LRRTM4: variants seen among roughly 807,000 people sequenced by gnomAD.
LRRTM4 encodes leucine rich repeat transmembrane neuronal 4.
Under a neutral mutation model 47.6 loss-of-function variants are expected in LRRTM4, and 25 were observed. The ratio of observed to expected loss-of-function variants is 0.53; its 90% CI spans 0.38 to 0.73. The LOEUF is 0.73. LRRTM4 is among the 30% of genes least tolerant of loss of function. The pLI is 0.00. For synonymous variants in LRRTM4, 311 were observed against 269.5 expected, an observed-to-expected ratio of 1.15 and a Z score of -1.51; for missense variants, 638 against 713.4, an observed-to-expected ratio of 0.89 and a Z score of 1.20.
chr2:77,285,340 T>TTATATACATATATATATATATATA (rs1676621995), intron 3 of LRRTM4, among the ~76,000 whole-genome samples: 1 of 82,590 alleles, frequency 1.2e-5, no homozygotes, highest in African/African-American at 4.2e-5. Context: ...AGCATTAAAT[T>TTATATACATATATATATATATATA]TATATATATA....
intron 3 of LRRTM4, among the ~76,000 whole-genome samples, chr2:77,060,498 T>G (rs1285377808): frequency 6.6e-6 from 1 of 152,194 alleles, no homozygotes; most frequent in Non-Finnish European, 1.5e-5. Flanking sequence ...ATAATATGGC[T>G]GTATATTTTC....
intron 3 of LRRTM4, among the ~76,000 whole-genome samples, chr2:76,754,464 A>G (rs1672957679): frequency 1.3e-5 from 2 of 152,168 alleles, no homozygotes; most frequent in Admixed American, 1.3e-4. Flanking sequence ...ACTGAGTATT[A>G]GGAACAACTG....
intron 3 of LRRTM4, among the ~76,000 whole-genome samples, chr2:77,339,535 A>C (rs1443370466): frequency 2.6e-5 from 4 of 152,070 alleles, no homozygotes; most frequent in African/African-American, 7.2e-5. Flanking sequence ...TTGTCGATTG[A>C]TAATGCATAT....
intron 3 of LRRTM4, among the ~76,000 whole-genome samples, chr2:77,344,643 T>G (rs1168347543): frequency 6.6e-6 from 1 of 151,794 alleles, no homozygotes; most frequent in East Asian, 1.9e-4. Context: ...AAATAATGAC[T>G]GAAAACTTCC....
At chr2:76,781,564 G>T in intron 3 of LRRTM4, among the ~76,000 whole-genome samples, 1 of 151,144 alleles carries the variant, frequency 6.6e-6, no homozygotes, top group African/African-American at 2.4e-5. Flanking sequence ...AGGGAACTCC[G>T]TGACCCCTTG....
chr2:77,023,248 C>T (rs892050957), intron 3 of LRRTM4, among the ~76,000 whole-genome samples: 4 of 152,342 alleles, frequency 2.6e-5, no homozygotes, highest in African/African-American at 9.6e-5. Context: ...GCACACAGCA[C>T]AGGGACCCTG....
chr2:76,864,983 G>A (rs1231596681), intron 3 of LRRTM4, among the ~76,000 whole-genome samples: 1 of 150,440 alleles, frequency 6.6e-6, no homozygotes, highest in African/African-American at 2.5e-5. Flanking sequence ...CGATTCTTCT[G>A]CCTCAGCCTC....
chr2:76,983,125 G>A (rs765218298), intron 3 of LRRTM4, among the ~76,000 whole-genome samples: 11 of 151,906 alleles, frequency 7.2e-5, no homozygotes, highest in Non-Finnish European at 1.5e-4. Context: ...TGGTAAAATG[G>A]TAAAGACCAC....
intron 3 of LRRTM4, among the ~76,000 whole-genome samples, chr2:76,906,951 T>A (rs1276853812): frequency 6.6e-6 from 1 of 151,842 alleles, no homozygotes; most frequent in Non-Finnish European, 1.5e-5. Context: ...GACAGAAAGT[T>A]AACAAGGATA....
At chr2:76,774,367 T>C (rs982329477) in intron 3 of LRRTM4, among the ~76,000 whole-genome samples, 9 of 149,092 alleles carry the variant, frequency 6.0e-5, no homozygotes, top group Non-Finnish European at 1.1e-4. Flanking sequence ...AATTTTTGTA[T>C]TTTTAGTAGA....
intron 3 of LRRTM4, among the ~76,000 whole-genome samples, chr2:77,377,874 A>T (rs574518923): frequency 6.6e-6 from 1 of 152,116 alleles, no homozygotes; most frequent in South Asian, 2.1e-4. Context: ...AAATGCAAAC[A>T]CATTATTTTG....
intron 3 of LRRTM4, among the ~76,000 whole-genome samples, chr2:77,187,543 G>A (rs1418112388): frequency 6.6e-6 from 1 of 151,746 alleles, no homozygotes; most frequent in Non-Finnish European, 1.5e-5. Flanking sequence ...GTTAATGGGT[G>A]CAGCACACCA....
chr2:77,517,774 A>C, intron 3 of LRRTM4: 1 of 985,434 alleles, frequency 1.0e-6, no homozygotes, highest in South Asian at 4.7e-5. Context: ...TGCTGGTATA[A>C]TAACTAAATG....
At chr2:76,857,073 A>C (rs1672175295) in intron 3 of LRRTM4, among the ~76,000 whole-genome samples, 1 of 151,862 alleles carries the variant, frequency 6.6e-6, no homozygotes, top group Non-Finnish European at 1.5e-5. Flanking sequence ...TGAACAACAT[A>C]GGTTTGAACT....
intron 3 of LRRTM4, among the ~76,000 whole-genome samples, chr2:77,329,921 G>C (rs570369811): frequency 6.6e-6 from 1 of 152,274 alleles, no homozygotes; most frequent in East Asian, 1.9e-4. Flanking sequence ...ATATAATCAT[G>C]AGCTGAATTC....
At chr2:76,945,299 T>C (rs558224431) in intron 3 of LRRTM4, among the ~76,000 whole-genome samples, 13 of 152,210 alleles carry the variant, frequency 8.5e-5, no homozygotes, top group African/African-American at 2.2e-4. Context: ...CTAAGGAGCA[T>C]AGGATTTGCT....
chr2:77,374,713 AGACCATCTG>A (rs1672768627), intron 3 of LRRTM4, among the ~76,000 whole-genome samples: 3 of 151,808 alleles, frequency 2.0e-5, no homozygotes, highest in Admixed American at 1.3e-4. Context: ...TCTTGACTAG[AGACCATCTG>A]GTCTCAAAGA....
At chr2:76,835,832 C>G (rs1286279782) in intron 3 of LRRTM4, among the ~76,000 whole-genome samples, 1 of 151,814 alleles carries the variant, frequency 6.6e-6, no homozygotes, top group East Asian at 1.9e-4. Flanking sequence ...TCACTGAGAC[C>G]TATCAGAAAA....
At chr2:76,768,361 T>C (rs1673539337) in intron 3 of LRRTM4, among the ~76,000 whole-genome samples, 1 of 151,464 alleles carries the variant, frequency 6.6e-6, no homozygotes. Context: ...TGTGATAAAT[T>C]GATGCATTGG....
Sources: allele counts gnomAD v4.1 joint callset (sites outside exome capture counted in the v4.1 genomes callset), GRCh38; gene constraint gnomAD v4.1.1; transcripts MANE v1.5; gene names NCBI Gene and HGNC (gene_info 2026-07-23, HGNC 2026-07-21).